Variants in CHCHD3 observed in about 807,000 individuals in gnomAD.
The protein encoded by CHCHD3 is MICOS complex subunit MIC19.
Under a neutral mutation model 38.2 loss-of-function variants are expected in CHCHD3, and 20 were observed. That is an observed-to-expected ratio of 0.52 (90% CI 0.37 to 0.76). The LOEUF (loss-of-function observed/expected upper bound fraction) is 0.76. CHCHD3 is among the 30% of genes least tolerant of loss of function. The pLI is 0.00. For missense variants in CHCHD3, 245 were observed against 279.2 expected (o/e 0.88, Z 0.87); for synonymous variants, 82 against 100.0 (o/e 0.82, Z 1.07).
At chr7:132,944,800 T>TTTTTGTATAATAAACA (rs1585661900) in intron 4 of CHCHD3, among the ~76,000 whole-genome samples, 3 of 152,158 alleles carry the variant, frequency 2.0e-5, no homozygotes, top group African/African-American at 7.2e-5. Context: ...CTGGTGCAAA[T>TTTTTGTATAATAAACA]TTTTGTATAA....
intron 2 of CHCHD3, among the ~76,000 whole-genome samples, chr7:133,042,162 G>C (rs1813851643): frequency 6.6e-6 from 1 of 152,158 alleles, no homozygotes; most frequent in Admixed American, 6.5e-5. Context: ...TATAAAAGAT[G>C]TAAATGGAGA....
chr7:132,868,308 C>A (rs1449776415), intron 5 of CHCHD3, among the ~76,000 whole-genome samples: 1 of 152,092 alleles, frequency 6.6e-6, no homozygotes, highest in Non-Finnish European at 1.5e-5. Context: ...TTATACAGAT[C>A]TTTTTGAAAA....
At chr7:132,991,702 T>C (rs1812288599) in intron 3 of CHCHD3, among the ~76,000 whole-genome samples, 1 of 152,116 alleles carries the variant, frequency 6.6e-6, no homozygotes, top group Non-Finnish European at 1.5e-5. Flanking sequence ...CCCAACCCAA[T>C]TCTGAGCTAA....
chr7:133,040,045 A>G (rs1432737444), intron 2 of CHCHD3, among the ~76,000 whole-genome samples: 1 of 152,220 alleles, frequency 6.6e-6, no homozygotes, highest in Non-Finnish European at 1.5e-5. Flanking sequence ...CCATTAGAAC[A>G]GTGGAACCTA....
intron 3 of CHCHD3, among the ~76,000 whole-genome samples, chr7:132,987,607 T>G (rs1265548535): frequency 1.3e-5 from 2 of 152,158 alleles, no homozygotes; most frequent in Non-Finnish European, 2.9e-5. Context: ...AGAACACAAC[T>G]GACATTAGAC....
chr7:132,986,532 A>C (rs1471063482), intron 3 of CHCHD3, among the ~76,000 whole-genome samples: 1 of 152,210 alleles, frequency 6.6e-6, no homozygotes, highest in South Asian at 2.1e-4. Context: ...TCAAGTCTCC[A>C]TTATGTGATA....
chr7:133,050,412 A>G (rs1375027596), intron 2 of CHCHD3, among the ~76,000 whole-genome samples: 1 of 148,760 alleles, frequency 6.7e-6, no homozygotes, highest in Non-Finnish European at 1.5e-5. Flanking sequence ...AGAAAATTCC[A>G]GGATAGACAG....
Position 132,785,735 on chromosome 7 carries a change from T to C in CHCHD3, c.661-75A>G, listed in dbSNP as rs377534682. Reference sequence around the variant, plus strand: ...AATAAATGGCACTAACTATTTAGTATGATTTGTGTTGCTTTTCAAATATCT... The same window carrying C: ...AATAAATGGCACTAACTATTTAGTACGATTTGTGTTGCTTTTCAAATATCT... On this transcript the variant is annotated intron_variant, in intron 7 of 7. Transcript: ENST00000262570. 596 of 1,408,028 alleles carry C rather than the reference T, an allele frequency of 4.2e-4. 3 individuals carry two copies. Among genetic ancestry groups the C allele is most frequent in the Middle Eastern group, 2.5e-3 (14 of 5,560 alleles). 87.2% of individuals were successfully genotyped at this position (1,408,028 alleles called of 1,614,324 possible). A position where few individuals can be genotyped will look rare whatever the true frequency, so the allele number is the denominator to read the frequency against.
At chr7:132,815,520 G>A (rs1476861881) in intron 6 of CHCHD3, 1 of 455,266 alleles carries the variant, frequency 2.2e-6, no homozygotes, top group East Asian at 7.0e-5. Context: ...CTGGTGCTCA[G>A]GTTGCCTGAA....
intron 6 of CHCHD3, among the ~76,000 whole-genome samples, chr7:132,827,609 A>AACATAC (rs769065693): frequency 5.3e-5 from 8 of 152,222 alleles, no homozygotes; most frequent in Non-Finnish European, 1.2e-4. Context: ...ATTGTATTAG[A>AACATAC]AGTTACATAC....
At chr7:132,933,928 G>A (rs1810575218) in intron 4 of CHCHD3, among the ~76,000 whole-genome samples, 1 of 152,198 alleles carries the variant, frequency 6.6e-6, no homozygotes, top group Non-Finnish European at 1.5e-5. Flanking sequence ...GGTTGTGGGT[G>A]GATGTCAAAG....
At chr7:132,848,211 A>G (rs1008283328) in intron 5 of CHCHD3, among the ~76,000 whole-genome samples, 1 of 152,216 alleles carries the variant, frequency 6.6e-6, no homozygotes, top group Non-Finnish European at 1.5e-5. Flanking sequence ...GTGGCAGCCA[A>G]TTCCAACAAA....
At chr7:133,046,976 G>A (rs1814010043) in intron 2 of CHCHD3, among the ~76,000 whole-genome samples, 1 of 152,198 alleles carries the variant, frequency 6.6e-6, no homozygotes, top group African/African-American at 2.4e-5. Context: ...TACAGGTTTG[G>A]AGTGAAGACC....
At chr7:132,877,749 G>A (rs186554494) in intron 5 of CHCHD3, among the ~76,000 whole-genome samples, 2 of 149,030 alleles carry the variant, frequency 1.3e-5, no homozygotes, top group African/African-American at 4.9e-5. Flanking sequence ...TGTAGCTCTC[G>A]GTAACTATAG....
At chr7:133,038,194 T>G (rs1813733218) in intron 2 of CHCHD3, among the ~76,000 whole-genome samples, 2 of 152,198 alleles carry the variant, frequency 1.3e-5, no homozygotes, top group Non-Finnish European at 2.9e-5. Context: ...ACAGGTATCC[T>G]GCCCATATAC....
intron 1 of CHCHD3, among the ~76,000 whole-genome samples, chr7:133,072,606 G>C (rs535444136): frequency 6.6e-6 from 1 of 152,088 alleles, no homozygotes; most frequent in African/African-American, 2.4e-5. Flanking sequence ...TTAGGAGGCC[G>C]AGGTGGGCGG....
At chr7:132,900,337 GGAGA>G (rs999302343) in intron 4 of CHCHD3, among the ~76,000 whole-genome samples, 2 of 88,088 alleles carry the variant, frequency 2.3e-5, no homozygotes, top group African/African-American at 8.9e-5. Flanking sequence ...GGTGATGGAG[GGAGA>G]GAGATAATTT....
At chr7:132,941,249 TAAAAC>T (rs1376890928) in intron 4 of CHCHD3, among the ~76,000 whole-genome samples, 3 of 152,162 alleles carry the variant, frequency 2.0e-5, no homozygotes, top group African/African-American at 7.2e-5. Context: ...AGATAATACT[TAAAAC>T]AAGGCACTTG....
intron 4 of CHCHD3, among the ~76,000 whole-genome samples, chr7:132,898,869 CG>C (rs1809587640): frequency 6.6e-6 from 1 of 152,214 alleles, no homozygotes; most frequent in African/African-American, 2.4e-5. Flanking sequence ...CCTCATTGCC[CG>C]GGGCCGGCAG....
Sources: gnomAD v4.1 joint callset for allele counts (sites outside exome capture counted in the v4.1 genomes callset) on GRCh38, gnomAD v4.1.1 for gene constraint, MANE v1.5 for transcripts, NCBI Gene and HGNC (gene_info 2026-07-23, HGNC 2026-07-21) for gene names.